Variants in ATRX observed in about 807,000 individuals in gnomAD.
The protein encoded by ATRX is ATRX chromatin remodeler.
Under a neutral mutation model 172.6 loss-of-function variants are expected in ATRX, and 12 were observed. The observed-to-expected ratio is 0.07, with a 90% confidence interval of 0.04 to 0.11. ATRX has a LOEUF of 0.11. Among genes scored for constraint, ATRX ranks in the 10% least tolerant of loss-of-function variants. The pLI, the probability that ATRX is intolerant of heterozygous loss-of-function variation, is 1.00. For synonymous variants in ATRX, 674 were observed against 594.7 expected, an observed-to-expected ratio of 1.13 and a Z score of -1.94; for missense variants, 1,368 against 1,767.4, an observed-to-expected ratio of 0.77 and a Z score of 4.05.
At chrX:77,629,969 C>T (rs370094485) in intron 19 of ATRX, among the ~76,000 whole-genome samples, 15 of 112,276 alleles carry the variant, frequency 1.3e-4, no homozygotes, top group African/African-American at 3.9e-4. Flanking sequence ...CGTGCGTGCG[C>T]GCGCACACAC....
At chrX:77,783,108 C>A (rs1399493398) in intron 1 of ATRX, among the ~76,000 whole-genome samples, 1 of 111,097 alleles carries the variant, frequency 9.0e-6, no homozygotes, top group Non-Finnish European at 1.9e-5. Flanking sequence ...GTGGCACACA[C>A]CTGTTAATCC....
chrX:77,615,550 T>G (rs1359762188), intron 22 of ATRX, among the ~76,000 whole-genome samples: 1 of 111,783 alleles, frequency 8.9e-6, no homozygotes, highest in African/African-American at 3.2e-5. Flanking sequence ...CAGAATAGTA[T>G]AGTAAATCTA....
In ATRX at chrX:77,688,917, A is replaced by G. The variant is rs2148657392; in HGVS notation, c.495T>C (p.Leu165=). The part of the protein sequence containing the change: ...ENLKKRGEDG[L]HGIVSCTACG... ...AAGCAGTGCAGCTCACAATCCCATG[A>G]AGCCCATCTTCTAGGAGAAAGGAGT... is the stretch of plus-strand genomic sequence containing the variant. Residue 165 remains leucine, a synonymous_variant, in exon 7 of 35, where the codon CTT becomes CTC. Transcript: ENST00000373344. The G allele has an allele frequency of 1.7e-6, 2 of 1,203,225 alleles. No homozygotes were observed. The highest frequency in any genetic ancestry group is 2.3e-6 in the Non-Finnish European group (2 of 887,961).
intron 25 of ATRX, among the ~76,000 whole-genome samples, chrX:77,598,103 C>T (rs1156668036): frequency 9.0e-6 from 1 of 111,609 alleles, no homozygotes; most frequent in Non-Finnish European, 1.9e-5. Context: ...TACACAGCCA[C>T]AATAAAGAAC....
rs145212363 is a variant in ATRX, at chrX:77,764,563, A to C, written c.20+21419T>G. ...TGATCCAGATTCCAACACATATAGA[A>C]GGCATGTGATGCAAAAATCAAATAA... is the stretch of plus-strand genomic sequence containing the variant. On this transcript the variant is annotated intron_variant, in intron 1 of 34. Coordinates refer to ENST00000373344, the MANE Select transcript of ATRX (RefSeq NM_000489.6). 6.1e-3 allele frequency among the ~76,000 whole-genome samples: 685 copies of C among 112,612 alleles called. 7 individuals carry two copies. The highest frequency in any genetic ancestry group is 0.021 in the African/African-American group (662 of 31,038).
At chrX:77,773,221 C>T (rs1557200266) in intron 1 of ATRX, among the ~76,000 whole-genome samples, 1 of 108,043 alleles carries the variant, frequency 9.3e-6, no homozygotes, top group East Asian at 2.9e-4. Context: ...ATCACTTTAA[C>T]ATGAAACATT....
chrX:77,715,790 C>G (rs1366052475), intron 2 of ATRX, among the ~76,000 whole-genome samples: 1 of 111,267 alleles, frequency 9.0e-6, no homozygotes, highest in Non-Finnish European at 1.9e-5. Flanking sequence ...GCCCGTATCT[C>G]TCCAAATAGG....
chrX:77,539,680 G>C (rs1381737516), intron 30 of ATRX, among the ~76,000 whole-genome samples: 2 of 111,315 alleles, frequency 1.8e-5, no homozygotes, highest in African/African-American at 6.5e-5. Context: ...TTAAAGAAAA[G>C]AATATTCAAC....
intron 15 of ATRX, among the ~76,000 whole-genome samples, chrX:77,649,795 C>A (rs1557115796): frequency 8.9e-6 from 1 of 112,060 alleles, no homozygotes; most frequent in Non-Finnish European, 1.9e-5. Context: ...CCTCCCCAAG[C>A]CACATGGAAC....
intron 30 of ATRX, among the ~76,000 whole-genome samples, chrX:77,545,940 AG>A (rs1205865263): frequency 8.1e-5 from 9 of 111,395 alleles, no homozygotes; most frequent in Middle Eastern, 4.6e-3. Flanking sequence ...AAGGAGGACT[AG>A]GATCAGCTCT....
At chrX:77,618,535 G>T (rs1039928269) in intron 21 of ATRX, among the ~76,000 whole-genome samples, 1 of 111,497 alleles carries the variant, frequency 9.0e-6, no homozygotes, top group Admixed American at 9.6e-5. Context: ...CTATCTTAAG[G>T]ATGAAAAATC....
chrX:77,606,805 C>T (rs2066926900), intron 22 of ATRX, among the ~76,000 whole-genome samples: 1 of 105,880 alleles, frequency 9.4e-6, no homozygotes, highest in Non-Finnish European at 1.9e-5. Context: ...CATACATACA[C>T]ACATATAAAT....
chrX:77,698,860 T>C (rs1557151717), intron 2 of ATRX: 1 of 427,516 alleles, frequency 2.3e-6, no homozygotes, highest in South Asian at 2.8e-5. Flanking sequence ...ATTACTTTGG[T>C]ATAAAAACAT....
chrX:77,622,241 G>A (rs2067623615), intron 19 of ATRX, among the ~76,000 whole-genome samples: 1 of 111,846 alleles, frequency 8.9e-6, no homozygotes, highest in South Asian at 3.7e-4. Flanking sequence ...TGTTACGGAG[G>A]AAAATTGAAA....
chrX:77,755,516 T>C (rs1200069068), intron 1 of ATRX, among the ~76,000 whole-genome samples: 1 of 112,068 alleles, frequency 8.9e-6, no homozygotes, highest in Non-Finnish European at 1.9e-5. Flanking sequence ...TGATGGGGTT[T>C]TTGTGTGGGG....
chrX:77,593,558 G>C, intron 26 of ATRX, 138 bp downstream of exon 26: 1 of 614,301 alleles, frequency 1.6e-6, no homozygotes, highest in Non-Finnish European at 2.6e-6. Context: ...GCTTGTATTG[G>C]CCTAGCACTA....
Position 77,683,898 on chromosome X carries a change from T to C in ATRX, c.1358A>G (p.Glu453Gly). Residue 453 changes from glutamate to glycine, a missense_variant, in exon 9 of 35, where the codon GAA becomes GGA. Around this residue, in one of 17 missense-constraint regions of ATRX, gnomAD observed 843 missense variants for 643.1 expected, o/e 1.31. Coordinates refer to ENST00000373344, the MANE Select transcript of ATRX (RefSeq NM_000489.6). Reference protein sequence around the residue: ...ARKGEKPCALEKKDISKSEAK... With the variant: ...ARKGEKPCALGKKDISKSEAK... ...TTCTGACTTTGAAATATCCTTCTTT[T>C]CCAAAGCACAAGGTTTTTCTCCTTT... 8.3e-7 allele frequency: 1 copy of C among 1,209,840 alleles called. No homozygotes were observed. Among genetic ancestry groups the C allele is most frequent in the Middle Eastern group, 2.3e-4 (1 of 4,348 alleles).
chrX:77,670,614 G>A (rs1328513275), intron 10 of ATRX, among the ~76,000 whole-genome samples: 1 of 109,575 alleles, frequency 9.1e-6, no homozygotes, highest in Non-Finnish European at 1.9e-5. Context: ...AATTAGCCGG[G>A]CATGGTGGCA....
At chrX:77,692,848 T>TGC (rs1365907302) in intron 6 of ATRX, among the ~76,000 whole-genome samples, 5 of 53,227 alleles carry the variant, frequency 9.4e-5, no homozygotes, top group Non-Finnish European at 1.9e-4. Flanking sequence ...AATATTAGAG[T>TGC]GTGTGTGTGT....
Sources: allele counts gnomAD v4.1 joint callset (sites outside exome capture counted in the v4.1 genomes callset), GRCh38; gene constraint gnomAD v4.1.1; regional missense constraint gnomAD v4.1.1; transcripts MANE v1.5; gene names NCBI Gene and HGNC (gene_info 2026-07-23, HGNC 2026-07-21).